Variants in PHF14 observed in about 807,000 individuals in gnomAD.
PHF14 encodes the protein PHD finger protein 14.
In PHF14, 55 loss-of-function variants were observed where a neutral mutation model predicts 117.9. That is an observed-to-expected ratio of 0.47 (90% CI 0.38 to 0.58). PHF14 has a LOEUF of 0.58. Ranked by LOEUF, PHF14 falls within the 20% of genes least tolerant of loss-of-function variation. PHF14 has a pLI of 0.00. For missense variants in PHF14, 978 were observed against 1,122.2 expected (o/e 0.87, Z 1.84); for synonymous variants, 409 against 368.6 (o/e 1.11, Z -1.26).
intron 17 of PHF14, among the ~76,000 whole-genome samples, chr7:11,133,912 A>G (rs1182630466): frequency 1.3e-5 from 2 of 152,054 alleles, no homozygotes; most frequent in Non-Finnish European, 2.9e-5. Context: ...TTGAACTTTT[A>G]TTAAGGTAAG....
At chr7:11,027,455 T>C (rs1470387134) in intron 6 of PHF14, among the ~76,000 whole-genome samples, 3 of 152,164 alleles carry the variant, frequency 2.0e-5, no homozygotes, top group African/African-American at 7.2e-5. Context: ...TAATTTAACA[T>C]CTTTTTCTTT....
chr7:10,982,625 A>G lies in PHF14; in HGVS notation c.366A>G (p.Glu122=). ...RKKKEKEKEK[E]KEKEKEKERE... is the part of the protein sequence containing the mutation. ...AAAAGGAGAAAGAGAAGGAAAAAGA[A>G]AAGGAAAAGGAGAAAGAGAAGGAAA... The change falls in exon 3 of 18, where the codon GAA becomes GAG. Residue 122 remains glutamate (E), a synonymous_variant. Coordinates refer to ENST00000634607, the MANE Select transcript of PHF14 (RefSeq NM_001007157.2). 6.5e-7 allele frequency: 1 copy of G among 1,538,162 alleles called. No individual in the cohort carries two copies. Among genetic ancestry groups the G allele is most frequent in the Non-Finnish European group, 8.8e-7 (1 of 1,136,426 alleles).
At chr7:11,062,235 A>T (rs187307660) in intron 16 of PHF14, 150 bp downstream of exon 16, 2 of 563,800 alleles carry the variant, frequency 3.5e-6, no homozygotes, top group Non-Finnish European at 5.9e-6. Context: ...GATTTCATCC[A>T]CTTCTTAACC....
chr7:11,160,638 T>C (rs1562490683), intron 17 of PHF14, among the ~76,000 whole-genome samples: 1 of 152,202 alleles, frequency 6.6e-6, no homozygotes. Flanking sequence ...AAAGAGATAA[T>C]ATCTTTTTGA....
At position 11,146,673 on chromosome 7, in the gene PHF14, C is replaced by T. The variant is rs113651964; in HGVS notation, c.2773-22743C>T. Among the ~76,000 whole-genome samples, 944 of 152,238 alleles carry T rather than the reference C, an allele frequency of 6.2e-3. 7 individuals are homozygous for T. The highest frequency in any genetic ancestry group is 0.022 in the African/African-American group (903 of 41,536). ...CATTTTTACAAAAGCATTTAGAGAACTCTACTATGTTTGAGATTTTCCTTT... is the reference window on the plus strand; with the variant it reads ...CATTTTTACAAAAGCATTTAGAGAATTCTACTATGTTTGAGATTTTCCTTT... On this transcript the variant is annotated intron_variant, in intron 17 of 17. Coordinates refer to ENST00000634607, the MANE Select transcript of PHF14 (RefSeq NM_001007157.2).
At chr7:10,997,675 T>C (rs777197059) in intron 4 of PHF14, among the ~76,000 whole-genome samples, 4 of 152,120 alleles carry the variant, frequency 2.6e-5, no homozygotes. Flanking sequence ...AGTCAAATAG[T>C]TGTTGGTAGG....
intron 16 of PHF14, among the ~76,000 whole-genome samples, chr7:11,066,010 G>A (rs554867459): frequency 4.6e-5 from 7 of 152,240 alleles, no homozygotes; most frequent in Non-Finnish European, 8.8e-5. Flanking sequence ...ACTATCAAAT[G>A]CTTGCCAGAT....
intron 16 of PHF14, chr7:11,104,827 G>T: frequency 1.3e-6 from 1 of 781,602 alleles, no homozygotes; most frequent in Non-Finnish European, 1.6e-6. Flanking sequence ...AGCTGATGCT[G>T]ATGCTACTGG....
At chr7:11,030,185 C>T (rs886430647) in intron 7 of PHF14, among the ~76,000 whole-genome samples, 8 of 150,896 alleles carry the variant, frequency 5.3e-5, no homozygotes, top group East Asian at 1.9e-4. Context: ...TATAATTATA[C>T]GGTAAAGGTA....
intron 17 of PHF14, among the ~76,000 whole-genome samples, chr7:11,117,226 T>G (rs1270666051): frequency 1.3e-5 from 2 of 151,976 alleles, no homozygotes; most frequent in Non-Finnish European, 2.9e-5. Context: ...AAGCTATGTT[T>G]TGTGAGAAGC....
rs75173620 is a variant in PHF14, at chr7:11,083,099, G to A, written c.2654+21014G>A. On this transcript the variant is annotated intron_variant, in intron 16 of 17. Transcript: ENST00000634607. ...AAAAAGTTCAAATGTTCAGAGAATC[G>A]GGTCTAGCTTAGATTGTGCAGTCCA... is the stretch of plus-strand genomic sequence containing the variant. 7.0e-3 allele frequency among the ~76,000 whole-genome samples: 1,063 copies of A among 152,206 alleles called. 10 individuals are homozygous for A. The highest frequency in any genetic ancestry group is 0.024 in the African/African-American group (1,005 of 41,528).
At position 11,076,827 on chromosome 7, in the gene PHF14, C is replaced by T. The variant is rs531482493; in HGVS notation, c.2654+14742C>T. 1.5e-3 allele frequency among the ~76,000 whole-genome samples: 225 copies of T among 150,750 alleles called. 2 individuals are homozygous for T. The highest frequency in any genetic ancestry group is 5.3e-3 in the African/African-American group (216 of 41,104). On this transcript the variant is annotated intron_variant, in intron 16 of 17. Coordinates refer to ENST00000634607, the MANE Select transcript of PHF14 (RefSeq NM_001007157.2). ...AAGCAATCCGCCTGCCTTGGCCTCC[C>T]AAAGTGCTGGGATTACAGGCATGAG... is the stretch of plus-strand genomic sequence containing the variant.
intron 17 of PHF14, among the ~76,000 whole-genome samples, chr7:11,156,246 T>G (rs1283912994): frequency 6.6e-6 from 1 of 152,234 alleles, no homozygotes; most frequent in East Asian, 1.9e-4. Context: ...GATAATAAAG[T>G]GCCACTACTG....
intron 2 of PHF14, among the ~76,000 whole-genome samples, chr7:10,979,430 A>G (rs903156441): frequency 3.5e-5 from 5 of 144,268 alleles, no homozygotes; most frequent in Admixed American, 2.8e-4. Context: ...GGGAAGTAGG[A>G]TTTCAATTTT....
At chr7:11,031,655 G>A (rs1016161253) in intron 7 of PHF14, among the ~76,000 whole-genome samples, 10 of 151,552 alleles carry the variant, frequency 6.6e-5, no homozygotes, top group Non-Finnish European at 8.8e-5. Flanking sequence ...TAGAGAGGCC[G>A]AGGTGAGAGG....
rs1366823406 is a variant in PHF14 at position 11,130,488 on chromosome 7, T to C, written c.2772+19021T>C. On this transcript the variant is annotated intron_variant, in intron 17 of 17. Transcript: ENST00000634607. This position sits in a 1 kb window ranked among gnomAD's most constrained non-coding sequence, Gnocchi z 4.2. ...TCTTTGCTTTTTTAAAAATAGCCTTTTGGTAGTATTTTTGATTTTTTTGTT... is the reference window on the plus strand; with the variant it reads ...TCTTTGCTTTTTTAAAAATAGCCTTCTGGTAGTATTTTTGATTTTTTTGTT... 6.6e-6 allele frequency among the ~76,000 whole-genome samples: 1 copy of C among 152,106 alleles called. No individual in the cohort carries two copies. Among genetic ancestry groups the C allele is most frequent in the East Asian group, 1.9e-4 (1 of 5,184 alleles).
intron 3 of PHF14, among the ~76,000 whole-genome samples, chr7:10,984,937 G>A (rs975228456): frequency 7.9e-5 from 12 of 152,040 alleles, no homozygotes; most frequent in Non-Finnish European, 5.9e-5. Flanking sequence ...GTGCTTCTTC[G>A]AAAAGTGCCC....
chr7:11,141,828 A>G (rs1195143424), intron 17 of PHF14, among the ~76,000 whole-genome samples: 1 of 151,980 alleles, frequency 6.6e-6, no homozygotes, highest in Admixed American at 6.6e-5. Context: ...TATTATTGAT[A>G]TAGATTTTTT....
intron 16 of PHF14, among the ~76,000 whole-genome samples, chr7:11,066,414 A>G (rs754949400): frequency 2.0e-5 from 3 of 151,940 alleles, no homozygotes; most frequent in Non-Finnish European, 4.4e-5. Flanking sequence ...TTTTATTTTT[A>G]ATTAACTTTT....
Sources: gnomAD v4.1 joint callset for allele counts (sites outside exome capture counted in the v4.1 genomes callset) on GRCh38, gnomAD v4.1.1 for gene constraint, Gnocchi (gnomAD v3.1) non-coding constraint, MANE v1.5 for transcripts, NCBI Gene and HGNC (gene_info 2026-07-23, HGNC 2026-07-21) for gene names.